Variants in ADK observed in about 807,000 individuals in gnomAD.
ADK encodes the protein adenosine kinase.
A neutral mutation model predicts 44.7 loss-of-function variants in ADK; 24 were observed. The ratio of observed to expected loss-of-function variants is 0.54; its 90% confidence interval spans 0.39 to 0.76. The LOEUF (loss-of-function observed/expected upper bound fraction) is 0.76. ADK is among the 30% of genes least tolerant of loss of function. The probability of loss-of-function intolerance (pLI) is 0.00; values close to 1 mark genes in which losing one functional copy is unlikely to be tolerated. For missense variants in ADK, 321 were observed against 425.1 expected (o/e 0.76, Z 2.15); for synonymous variants, 128 against 142.6 (o/e 0.90, Z 0.73).
chr10:74,464,755 G>T (rs951947319), intron 6 of ADK, among the ~76,000 whole-genome samples: 1 of 151,972 alleles, frequency 6.6e-6, no homozygotes, highest in African/African-American at 2.4e-5. Flanking sequence ...AGCCACGATG[G>T]GTGGGTTACT....
rs57958159 is a variant in ADK, at chr10:74,356,002, A to ATATTTT, written c.274-38138_274-38137insATTTTT. ...TCTGAAATATTTCACTAAATAATTC[A>ATATTTT]TTTTTTTTTTTTTTTTTTTTTTTTT... On this transcript the variant is annotated intron_variant, in intron 4 of 10. Coordinates refer to ENST00000539909, the MANE Select transcript of ADK (RefSeq NM_006721.4). 3.2e-4 allele frequency among the ~76,000 whole-genome samples: 27 copies of ATATTTT among 83,310 alleles called. 1 individual carries two copies. The highest frequency in any genetic ancestry group is 1.2e-3 in the African/African-American group (23 of 19,592). The allele number at this position is 83,310 out of a possible 152,430, so 54.7% of individuals were successfully genotyped here. A position where few individuals can be genotyped will look rare whatever the true frequency, so the allele number is the denominator to read the frequency against.
chr10:74,571,424 C>T (rs1194028919), intron 7 of ADK, among the ~76,000 whole-genome samples: 1 of 151,992 alleles, frequency 6.6e-6, no homozygotes, highest in South Asian at 2.1e-4. Flanking sequence ...GTCCTGGACT[C>T]TTTTTGGTTG....
chr10:74,518,023 C>A (rs1405179564), intron 6 of ADK, among the ~76,000 whole-genome samples: 2 of 152,120 alleles, frequency 1.3e-5, no homozygotes, highest in Admixed American at 6.6e-5. Context: ...CATATTTGAT[C>A]GACTCTGAGA....
chr10:74,220,085 G>C (rs892627012), intron 2 of ADK, among the ~76,000 whole-genome samples: 17 of 152,066 alleles, frequency 1.1e-4, no homozygotes, highest in African/African-American at 3.4e-4. Flanking sequence ...CCAGGAGCTG[G>C]TTTTTTGAAA....
rs145101995 is a variant in ADK, at chr10:74,451,911, G to A, written c.555+53332G>A. 2.5e-3 allele frequency among the ~76,000 whole-genome samples: 374 copies of A among 151,900 alleles called. 11 individuals are homozygous for A. The East Asian group carries it at 0.059, about 24-fold the overall frequency. ...AATAATTATTTGCTCACTTTTTCCT[G>A]TATTTGGTATTTTGGGAAAGTGGGC... On this transcript the variant is annotated intron_variant, in intron 6 of 10. Coordinates refer to ENST00000539909, the MANE Select transcript of ADK (RefSeq NM_006721.4).
At chr10:74,668,882 CAAA>C (rs1157473095) in intron 9 of ADK, among the ~76,000 whole-genome samples, 2 of 150,936 alleles carry the variant, frequency 1.3e-5, no homozygotes, top group Admixed American at 1.3e-4. Flanking sequence ...ACCCGCCCCC[CAAA>C]AAAAAGCAAA....
chr10:74,503,503 G>A (rs3862535), intron 6 of ADK, among the ~76,000 whole-genome samples: 110,227 of 151,946 alleles, frequency 0.73, 40,709 homozygotes, highest in Middle Eastern at 0.86. Context: ...CTTTGCCAGA[G>A]CAGGAAAGTG....
chr10:74,527,598 C>G, intron 7 of ADK: 1 of 773,950 alleles, frequency 1.3e-6, no homozygotes, highest in Non-Finnish European at 2.4e-6. Flanking sequence ...CTGCCTCTGC[C>G]TTTGCCGGTG....
Position 74,321,015 on chromosome 10 carries a change from G to A in ADK, c.273+6270G>A, listed in dbSNP as rs530696582. Among the ~76,000 whole-genome samples, 4 of 152,264 alleles carry A rather than the reference G, an allele frequency of 2.6e-5. No individual in the cohort carries two copies. In the South Asian group the frequency reaches 6.2e-4, roughly 24 times the overall value. On this transcript the variant is annotated intron_variant, in intron 4 of 10. Transcript: ENST00000539909. ...TCCTTGGAGATTCATAGTATTATGT[G>A]ACTCATTGAATTTTTCAGAAGCCTG...
At chr10:74,702,190 AT>A (rs750202264) in intron 10 of ADK, among the ~76,000 whole-genome samples, 1,652 of 139,416 alleles carry the variant, frequency 0.012, 14 homozygotes, top group African/African-American at 0.032. Context: ...TATTTATGTG[AT>A]TTTTTTTTTT....
intron 9 of ADK, among the ~76,000 whole-genome samples, chr10:74,615,703 AGTTTT>A (rs935829637): frequency 4.0e-5 from 6 of 151,426 alleles, no homozygotes; most frequent in Non-Finnish European, 5.9e-5. Flanking sequence ...TTTTGTGTGT[AGTTTT>A]GTTTTGTTTT....
At chr10:74,378,252 G>A (rs1377574590) in intron 4 of ADK, among the ~76,000 whole-genome samples, 1 of 151,884 alleles carries the variant, frequency 6.6e-6, no homozygotes, top group African/African-American at 2.4e-5. Context: ...CTCAGAGTGA[G>A]ATTCTGTTTC....
rs1855119335 is a variant in ADK at position 74,670,226 on chromosome 10, A to G, written c.921A>G (p.Lys307=). ...TAFAVLDQDQ[K]EIIDTNGAGD... ...TTGCTGTCTTGGATCAAGACCAGAAAGAAATTATTGATACCAATGGAGCTG... is the reference window on the plus strand; with the variant it reads ...TTGCTGTCTTGGATCAAGACCAGAAGGAAATTATTGATACCAATGGAGCTG... Residue 307 remains lysine (K), a synonymous_variant, in exon 10 of 11, where the codon AAA becomes AAG. Transcript: ENST00000539909. 1 of 1,613,916 alleles carries G rather than the reference A, an allele frequency of 6.2e-7. No individual in the cohort carries two copies. Among genetic ancestry groups the G allele is most frequent in the African/African-American group, 1.3e-5 (1 of 74,940 alleles).
chr10:74,659,851 C>T (rs1196929949), intron 9 of ADK, among the ~76,000 whole-genome samples: 3 of 152,090 alleles, frequency 2.0e-5, no homozygotes, highest in Non-Finnish European at 4.4e-5. Flanking sequence ...AGATGGTGCC[C>T]ACCAAGATTA....
intron 6 of ADK, among the ~76,000 whole-genome samples, chr10:74,403,966 G>A (rs146581292): frequency 6.6e-6 from 1 of 152,206 alleles, no homozygotes; most frequent in African/African-American, 2.4e-5. Context: ...CCGCCTCCTG[G>A]GTTCACACCA....
At chr10:74,368,351 C>T (rs1202191922) in intron 4 of ADK, among the ~76,000 whole-genome samples, 2 of 151,962 alleles carry the variant, frequency 1.3e-5, no homozygotes, top group Non-Finnish European at 2.9e-5. Context: ...TCAAACAATC[C>T]TCCCATCTTG....
At position 74,482,149 on chromosome 10, in the gene ADK, T is replaced by C. The variant is rs150426901; in HGVS notation, c.556-43107T>C. ...GAAATACCTGAGACTGGGTAATTTA[T>C]AAAGAAAAGAAGTTTAGTTGGTTTA... On this transcript the variant is annotated intron_variant, in intron 6 of 10. Coordinates refer to ENST00000539909, the MANE Select transcript of ADK (RefSeq NM_006721.4). Among the ~76,000 whole-genome samples the C allele has an allele frequency of 5.0e-3, 754 of 152,296 alleles. 4 individuals are homozygous for C. Among genetic ancestry groups the C allele is most frequent in the African/African-American group, 0.017 (710 of 41,562 alleles).
chr10:74,532,267 C>T (rs1417469078), intron 7 of ADK, among the ~76,000 whole-genome samples: 1 of 151,818 alleles, frequency 6.6e-6, no homozygotes, highest in African/African-American at 2.4e-5. Context: ...TGGTGAGGGT[C>T]AGGAGTTTGA....
At chr10:74,641,969 G>A (rs1451887562) in intron 9 of ADK, among the ~76,000 whole-genome samples, 3 of 152,148 alleles carry the variant, frequency 2.0e-5, no homozygotes. Flanking sequence ...TCTCTTCTAT[G>A]AAATCAAAAC....
Sources: allele counts gnomAD v4.1 joint callset (sites outside exome capture counted in the v4.1 genomes callset), GRCh38; gene constraint gnomAD v4.1.1; transcripts MANE v1.5; gene names NCBI Gene and HGNC (gene_info 2026-07-23, HGNC 2026-07-21).